POLR1C: variants seen among roughly 807,000 people sequenced by gnomAD.
The protein encoded by POLR1C is RNA polymerase I and III subunit C.
Under a neutral mutation model 38.3 loss-of-function variants are expected in POLR1C, and 42 were observed. The ratio of observed to expected loss-of-function variants is 1.10; its 90% CI spans 0.86 to 1.42. The LOEUF (loss-of-function observed/expected upper bound fraction) is 1.42, where lower values mean the gene tolerates loss of function less well. POLR1C is among the 40% of genes most tolerant of loss of function. The pLI is 0.00. For synonymous variants in POLR1C, 163 were observed against 163.9 expected (o/e 0.99, Z 0.04); for missense variants, 507 against 450.5 (o/e 1.13, Z -1.14).
intron 10 of POLR1C, chr6:43,556,222 T>G (rs78529971): frequency 2.6e-6 from 1 of 381,810 alleles, no homozygotes; most frequent in East Asian, 5.2e-5. Flanking sequence ...CCATTTCTGT[T>G]TGAATTAAAA....
downstream of POLR1C, chr6:43,521,574 G>C (rs1344917890): frequency 1.3e-6 from 1 of 794,350 alleles, no homozygotes; most frequent in African/African-American, 1.8e-5. Flanking sequence ...GCCCAGGCTG[G>C]AGTGCAGTGG....
At chr6:43,547,781 A>G in intron 9 of POLR1C, 1 of 1,346,850 alleles carries the variant, frequency 7.4e-7, no homozygotes, top group African/African-American at 1.4e-5. Flanking sequence ...AGGAGTTAAC[A>G]GGCTATCATT....
intron 9 of POLR1C, chr6:43,548,522 C>T: frequency 2.2e-6 from 3 of 1,386,852 alleles, no homozygotes; most frequent in Non-Finnish European, 2.9e-6. Context: ...GGAGAGGTGG[C>T]TTACTCAAGG....
intron 9 of POLR1C, chr6:43,539,598 G>A (rs1582212642): frequency 7.2e-6 from 10 of 1,381,580 alleles, no homozygotes; most frequent in East Asian, 7.1e-5. Flanking sequence ...CTGCGACCCC[G>A]GCCCCGGATG....
intron 10 of POLR1C, among the ~76,000 whole-genome samples, chr6:43,553,875 CT>C (rs1258379311): frequency 1.3e-5 from 2 of 152,030 alleles, no homozygotes; most frequent in Non-Finnish European, 2.9e-5. Context: ...TTCTCCCCTC[CT>C]CCCCCTTTAT....
intron 9 of POLR1C, among the ~76,000 whole-genome samples, chr6:43,545,570 G>A (rs940920231): frequency 6.6e-6 from 1 of 152,108 alleles, no homozygotes; most frequent in Non-Finnish European, 1.5e-5. Context: ...AGCCAGGAGT[G>A]GTGGTGCACA....
intron 9 of POLR1C, chr6:43,547,566 A>G (rs1561875352): frequency 6.3e-7 from 1 of 1,579,948 alleles, no homozygotes; most frequent in Non-Finnish European, 8.7e-7. Flanking sequence ...CCCTACTCCT[A>G]CCCATGGCCA....
At chr6:43,526,746 C>T in intron 8 of POLR1C, 6 of 1,613,666 alleles carry the variant, frequency 3.7e-6, no homozygotes, top group South Asian at 1.1e-5. Flanking sequence ...CACAGCAAAC[C>T]GCTAAAGCAA....
At chr6:43,529,272 G>A in exon 9 of POLR1C, 2 of 1,348,868 alleles carry the variant, frequency 1.5e-6, no homozygotes, top group Non-Finnish European at 2.0e-6. Context: ...GCTGGCTGCG[G>A]TGGCTCACAC....
intron 9 of POLR1C, among the ~76,000 whole-genome samples, chr6:43,541,531 T>A (rs536219727): frequency 1.3e-5 from 2 of 152,222 alleles, no homozygotes; most frequent in Non-Finnish European, 2.9e-5. Context: ...TCCAAAACGT[T>A]TCCATGGCCC....
intron 1 of POLR1C, 35 bp downstream of exon 1, chr6:43,517,213 A>G (rs1439752535): frequency 6.2e-6 from 10 of 1,611,706 alleles, no homozygotes; most frequent in Non-Finnish European, 1.7e-6. Flanking sequence ...GGCGGGAGGA[A>G]TGAGAGCGGA....
chr6:43,535,942 G>A (rs1794293518), intron 9 of POLR1C, among the ~76,000 whole-genome samples: 1 of 152,060 alleles, frequency 6.6e-6, no homozygotes, highest in Non-Finnish European at 1.5e-5. Context: ...GGCCAACATG[G>A]TGAAACCCTG....
At chr6:43,562,311 T>C in exon 11 of POLR1C, 1 of 1,609,696 alleles carries the variant, frequency 6.2e-7, no homozygotes, top group Non-Finnish European at 8.5e-7. Flanking sequence ...CAGAAAGACG[T>C]AGTGTTTTTC....
chr6:43,527,142 G>A (rs1793648436), intron 8 of POLR1C: 1 of 227,858 alleles, frequency 4.4e-6, no homozygotes, highest in South Asian at 7.2e-5. Context: ...TATTCCTAAT[G>A]AATCCAAATT....
intron 9 of POLR1C, among the ~76,000 whole-genome samples, chr6:43,535,739 G>A (rs1370156512): frequency 1.3e-5 from 2 of 151,334 alleles, no homozygotes; most frequent in African/African-American, 4.9e-5. Flanking sequence ...GCGTGAACCC[G>A]GGAGGCGGAG....
intron 9 of POLR1C, among the ~76,000 whole-genome samples, chr6:43,537,170 C>G (rs1400755412): frequency 7.0e-6 from 1 of 142,766 alleles, no homozygotes; most frequent in African/African-American, 2.7e-5. Context: ...GAGAAAGTGT[C>G]TGTGTTGCCC....
At chr6:43,547,546 A>G in intron 9 of POLR1C, 5 of 1,516,182 alleles carry the variant, frequency 3.3e-6, no homozygotes, top group Non-Finnish European at 4.6e-6. Context: ...AAACTTGACA[A>G]AAGACAACAC....
intron 9 of POLR1C, chr6:43,539,542 CT>C: frequency 6.9e-7 from 1 of 1,454,132 alleles, no homozygotes; most frequent in South Asian, 1.1e-5. Flanking sequence ...TATCTTTGGC[CT>C]TGCCTCCGCG....
chr6:43,557,288 T>TGATG (rs1762145789), intron 10 of POLR1C, among the ~76,000 whole-genome samples: 1 of 151,760 alleles, frequency 6.6e-6, no homozygotes, highest in Admixed American at 6.6e-5. Flanking sequence ...TGGCTGGGTA[T>TGATG]GATGGCACGT....
Sources: gnomAD v4.1 joint callset for allele counts (sites outside exome capture counted in the v4.1 genomes callset) on GRCh38, gnomAD v4.1.1 for gene constraint, MANE v1.5 for transcripts, NCBI Gene and HGNC (gene_info 2026-07-23, HGNC 2026-07-21) for gene names.